The following NUP35 variants were observed in gnomAD, a reference collection of about 807,000 sequenced individuals.
NUP35 encodes nucleoporin 35, also known as nucleoporin NUP35.
Under a neutral mutation model 41.5 loss-of-function variants are expected in NUP35, and 25 were observed. That is an observed-to-expected ratio of 0.60 (90% CI 0.44 to 0.84). The LOEUF (loss-of-function observed/expected upper bound fraction) is 0.84, where lower values mean the gene tolerates loss of function less well. Among genes scored for constraint, NUP35 ranks in the 40% least tolerant of loss-of-function variants. NUP35 has a pLI of 0.00. For missense variants in NUP35, 396 were observed against 396.6 expected (o/e 1.00, Z 0.01); for synonymous variants, 149 against 130.7 (o/e 1.14, Z -0.96).
chr2:183,142,903 T>A (rs1260250362), intron 4 of NUP35, among the ~76,000 whole-genome samples: 2 of 149,886 alleles, frequency 1.3e-5, no homozygotes, highest in Non-Finnish European at 3.0e-5. Flanking sequence ...ACGCCTGTAA[T>A]CCCAGCACTT....
At chr2:183,157,735 ACCT>A (rs1685721316) in intron 6 of NUP35, among the ~76,000 whole-genome samples, 1 of 151,944 alleles carries the variant, frequency 6.6e-6, no homozygotes. Context: ...TTGAAAATCC[ACCT>A]CCTCTCACCT....
chr2:183,148,356 A>G (rs1685350831), intron 4 of NUP35, among the ~76,000 whole-genome samples: 1 of 152,124 alleles, frequency 6.6e-6, no homozygotes, highest in South Asian at 2.1e-4. Context: ...TGGTAGTTCT[A>G]TTTTTAGTTC....
chr2:183,159,548 C>T lies in NUP35; in HGVS notation c.799C>T (p.Pro267Ser), dbSNP rs781490651. Residue 267 changes from proline to serine, a missense_variant, in exon 8 of 9, where the codon CCA (proline) becomes TCA (serine). Coordinates refer to ENST00000295119, the MANE Select transcript of NUP35 (RefSeq NM_138285.5). The part of the protein sequence containing the change: ...LSSPSLAFTP[P>S]IKTLGTPTQP... ...ATCTCCATCTTTAGCCTTTACACCA[C>T]CAATCAAAACTCTAGGTACACCAAC... 6.2e-7 allele frequency: 1 copy of T among 1,613,546 alleles called. No homozygotes were observed. The highest frequency in any genetic ancestry group is 1.7e-5 in the Admixed American group (1 of 60,004).
intron 2 of NUP35, 21 bp from the exon 3 acceptor site, chr2:183,130,387 CTTTTTTTTTT>C: frequency 2.4e-6 from 3 of 1,271,290 alleles, no homozygotes; most frequent in Non-Finnish European, 2.1e-6. Context: ...AGAAGAATCC[CTTTTTTTTTT>C]TTTTTTTTTG....
Position 183,130,438 on chromosome 2 carries a change from G to C in NUP35, c.232G>C (p.Val78Leu), listed in dbSNP as rs1266333822. The part of the protein sequence containing the change: ...LLAGGSPPQP[V>L]VPAHKDKSGA... The stretch of plus-strand genomic sequence containing the variant: ...TGTAGGTGGGTCACCACCACAACCA[G>C]TTGTACCAGCTCATAAAGATAAAAG... The change falls in exon 3 of 9, where the codon GTT becomes CTT. Residue 78 changes from valine (V) to leucine (L), a missense_variant. By Grantham distance (32) the Val-to-Leu change is conservative (BLOSUM62 1). Transcript: ENST00000295119. 1 of 1,584,520 alleles carries C rather than the reference G, an allele frequency of 6.3e-7. No homozygotes were observed. The highest frequency in any genetic ancestry group is 1.1e-5 in the South Asian group (1 of 89,908).
intron 5 of NUP35, among the ~76,000 whole-genome samples, chr2:183,154,751 C>T (rs1212555038): frequency 6.6e-6 from 1 of 152,196 alleles, no homozygotes; most frequent in African/African-American, 2.4e-5. Flanking sequence ...GTTCCAATGT[C>T]ACTTCCACAT....
intron 4 of NUP35, among the ~76,000 whole-genome samples, chr2:183,135,862 C>T (rs1293618976): frequency 2.7e-5 from 4 of 149,820 alleles, no homozygotes; most frequent in Admixed American, 6.6e-5. Flanking sequence ...GACCCTATCT[C>T]AAGAAAAAAG....
chr2:183,141,940 A>G (rs2105578766), intron 4 of NUP35, among the ~76,000 whole-genome samples: 1 of 152,318 alleles, frequency 6.6e-6, no homozygotes, highest in South Asian at 2.1e-4. Context: ...GTAGCTTTCT[A>G]AAAAAGCTTG....
intron 1 of NUP35, 80 bp downstream of exon 1, chr2:183,124,577 C>A (rs13035624): frequency 0.098 from 153,128 of 1,559,876 alleles, 8,602 homozygotes; most frequent in African/African-American, 0.23. Flanking sequence ...GAAAGGCAGT[C>A]GTCAGGCTCT....
chr2:183,150,573 A>T (rs763126482), intron 4 of NUP35, among the ~76,000 whole-genome samples: 1 of 151,746 alleles, frequency 6.6e-6, no homozygotes, highest in Non-Finnish European at 1.5e-5. Flanking sequence ...TAACCCACCC[A>T]CACAAATTGG....
chr2:183,137,433 A>T (rs758316414), intron 4 of NUP35, among the ~76,000 whole-genome samples: 5 of 152,154 alleles, frequency 3.3e-5, no homozygotes, highest in Non-Finnish European at 4.4e-5. Flanking sequence ...AAAATTTTTT[A>T]AATTAGCCTG....
intron 4 of NUP35, among the ~76,000 whole-genome samples, chr2:183,151,091 C>A (rs971000549): frequency 4.6e-5 from 7 of 152,176 alleles, no homozygotes; most frequent in African/African-American, 7.2e-5. Context: ...AAGGTTGCAA[C>A]TGTATAGCTG....
intron 2 of NUP35, among the ~76,000 whole-genome samples, chr2:183,130,160 A>T (rs974243336): frequency 6.6e-6 from 1 of 152,198 alleles, no homozygotes; most frequent in Non-Finnish European, 1.5e-5. Context: ...GAATCCTTTT[A>T]TTCAGAGTGC....
chr2:183,125,169 G>C (rs1684404041), intron 1 of NUP35, among the ~76,000 whole-genome samples: 1 of 151,818 alleles, frequency 6.6e-6, no homozygotes, highest in South Asian at 2.1e-4. Context: ...TCTCTAGTAA[G>C]TCACGATCTG....
intron 1 of NUP35, among the ~76,000 whole-genome samples, chr2:183,126,717 A>G (rs1037073291): frequency 6.6e-6 from 1 of 152,060 alleles, no homozygotes; most frequent in Non-Finnish European, 1.5e-5. Context: ...GAGGAAGACT[A>G]AATAGTTGGC....
chr2:183,124,392 G>A (rs112075225), upstream of NUP35: 6 of 1,613,626 alleles, frequency 3.7e-6, no homozygotes, highest in East Asian at 2.2e-5. Flanking sequence ...TACCCGTGGG[G>A]AGCGTTTCCG....
intron 4 of NUP35, among the ~76,000 whole-genome samples, chr2:183,150,370 T>C (rs1202596461): frequency 6.6e-6 from 1 of 152,200 alleles, no homozygotes; most frequent in Non-Finnish European, 1.5e-5. Context: ...CGCATCTCCT[T>C]GTTCTCATCT....
intron 5 of NUP35, among the ~76,000 whole-genome samples, chr2:183,154,118 A>G (rs976184028): frequency 2.6e-5 from 4 of 152,152 alleles, no homozygotes; most frequent in Admixed American, 1.3e-4. Flanking sequence ...CCAAGTCCCT[A>G]GGCTGCACAC....
intron 4 of NUP35, among the ~76,000 whole-genome samples, chr2:183,140,878 G>C (rs2675098): frequency 6.6e-6 from 1 of 150,916 alleles, no homozygotes; most frequent in Non-Finnish European, 1.5e-5. Context: ...AAAATGCAAT[G>C]ATCTTTAACC....
Sources: allele counts gnomAD v4.1 joint callset (sites outside exome capture counted in the v4.1 genomes callset), GRCh38; gene constraint gnomAD v4.1.1; transcripts MANE v1.5; gene names NCBI Gene and HGNC (gene_info 2026-07-23, HGNC 2026-07-21).